Variants in IFT46 observed in about 807,000 individuals in gnomAD.
The protein encoded by IFT46 is intraflagellar transport protein 46 homolog.
IFT46 carries 19 observed loss-of-function variants against 39.6 expected under a neutral mutation model. The observed-to-expected ratio is 0.48, with a 90% confidence interval of 0.33 to 0.70. The LOEUF is 0.70. IFT46 is among the 30% of genes least tolerant of loss of function. The pLI, the probability that IFT46 is intolerant of heterozygous loss-of-function variation, is 0.01. For synonymous variants in IFT46, 117 were observed against 134.8 expected (o/e 0.87, Z 0.91); for missense variants, 334 against 364.8 (o/e 0.92, Z 0.69).
chr11:118,569,123 C>G (rs1938287021), upstream of IFT46, among the ~76,000 whole-genome samples: 1 of 149,826 alleles, frequency 6.7e-6, no homozygotes, highest in South Asian at 2.1e-4. Context: ...ACTAAAAATA[C>G]AAAAAACTAG....
At chr11:118,555,223 T>C (rs908669819) in intron 5 of IFT46, 25 bp downstream of exon 5, 2 of 1,593,734 alleles carry the variant, frequency 1.3e-6, no homozygotes, top group African/African-American at 2.7e-5. Flanking sequence ...GATAGTGGGG[T>C]ATGGTGGGAG....
Position 118,554,999 on chromosome 11 carries a change from T to A in IFT46, c.345A>T (p.Ala115=). ...DFIPAVGDID[A]FLKVPRPDGK... is the part of the protein sequence containing the mutation. ...GATGTACTGACTATACCTTTAAGAA[T>A]GCATCAATATCCCCGACAGCTGGGA... The change falls in exon 6 of 12, where the codon GCA becomes GCT. Residue 115 remains alanine (A), a synonymous_variant. Transcript: ENST00000264021. 6.2e-7 allele frequency: 1 copy of A among 1,609,560 alleles called. No individual in the cohort carries two copies. Among genetic ancestry groups the A allele is most frequent in the Non-Finnish European group, 8.5e-7 (1 of 1,175,820 alleles).
At position 118,554,593 on chromosome 11, in the gene IFT46, T is replaced by C. The variant is rs1292931880; in HGVS notation, c.355-6A>G. ...TTTCCATCAGGACGTGGGACCTGGT[T>C]AAGAAAAAGGTAAGAAAGCAGAAAG... On this transcript the variant is annotated splice_polypyrimidine_tract_variant and splice_region_variant and intron_variant, in intron 6 of 11. Transcript: ENST00000264021. 2.5e-6 allele frequency: 4 copies of C among 1,585,626 alleles called. No homozygotes were observed. In the Admixed American group the frequency reaches 7.9e-5, roughly 31 times the overall value.
intron 2 of IFT46, among the ~76,000 whole-genome samples, chr11:118,561,820 A>C (rs1938067111): frequency 6.6e-6 from 1 of 152,192 alleles, no homozygotes; most frequent in Non-Finnish European, 1.5e-5. Context: ...GATAAGAGCA[A>C]TTTTTAAATA....
At chr11:118,560,143 T>C (rs1937990504) in intron 2 of IFT46, 1 of 356,362 alleles carries the variant, frequency 2.8e-6, no homozygotes, top group East Asian at 6.4e-5. Context: ...CCAGGGGCAG[T>C]GGCTCATGCC....
upstream of IFT46, among the ~76,000 whole-genome samples, chr11:118,569,632 A>G (rs1938296150): frequency 6.6e-6 from 1 of 152,102 alleles, no homozygotes; most frequent in South Asian, 2.1e-4. Context: ...CTTTGTTTGA[A>G]TCCTCGCTTA....
At chr11:118,557,753 GCT>G (rs1555069797) in intron 3 of IFT46, 1 of 1,613,856 alleles carries the variant, frequency 6.2e-7, no homozygotes, top group Admixed American at 1.7e-5. Flanking sequence ...TGTGCTTCTG[GCT>G]CTCTCTGTAC....
intron 9 of IFT46, among the ~76,000 whole-genome samples, chr11:118,549,411 T>A (rs1951767609): frequency 1.3e-5 from 2 of 152,026 alleles, no homozygotes; most frequent in Non-Finnish European, 2.9e-5. Flanking sequence ...TACATACATA[T>A]ATAAAATATT....
rs1199456396 is a variant in IFT46, at chr11:118,572,707, C to T, written c.-244G>A. ...GGGGAGCAGTGTGGCCTCCTGTGCC[C>T]GGTCTCCTGGAGATCCGATGGAGCT... On this transcript the variant is annotated 5_prime_UTR_variant, in exon 1 of 6. Transcript: ENST00000528378. 9 of 842,166 alleles carry T rather than the reference C, an allele frequency of 1.1e-5. No homozygotes were observed. The South Asian group carries it at 1.1e-4, about 10-fold the overall frequency. 52.2% of individuals were successfully genotyped at this position (842,166 alleles called of 1,614,324 possible). A position where few individuals can be genotyped will look rare whatever the true frequency, so the allele number is the denominator to read the frequency against.
chr11:118,559,039 T>C (rs1937940525), intron 3 of IFT46, among the ~76,000 whole-genome samples: 1 of 151,396 alleles, frequency 6.6e-6, no homozygotes, highest in African/African-American at 2.4e-5. Flanking sequence ...GCTAATTTTT[T>C]GTATTTTTAT....
At chr11:118,568,484 G>A (rs1307882518), upstream of IFT46, among the ~76,000 whole-genome samples, 1 of 151,984 alleles carries the variant, frequency 6.6e-6, no homozygotes, top group African/African-American at 2.4e-5. Context: ...CCCGGGAGGC[G>A]GAGGTTGCAG....
Position 118,552,341 on chromosome 11 carries a change from A to G in IFT46, c.484-6T>C. Reference sequence around the variant, plus strand: ...CTTTTTACTTTCATATGTTGCTAGGAAAGTAAGGAGAAAGCCTAGCTGATG... The same window carrying G: ...CTTTTTACTTTCATATGTTGCTAGGGAAGTAAGGAGAAAGCCTAGCTGATG... On this transcript the variant is annotated splice_polypyrimidine_tract_variant and splice_region_variant and intron_variant, in intron 7 of 11. Transcript: ENST00000264021. 1.2e-6 allele frequency: 2 copies of G among 1,613,926 alleles called. No homozygotes were observed. The highest frequency in any genetic ancestry group is 1.7e-4 in the Middle Eastern group (1 of 6,036).
intron 3 of IFT46, among the ~76,000 whole-genome samples, chr11:118,558,208 C>CTGAT (rs1240163307): frequency 6.6e-6 from 1 of 152,190 alleles, no homozygotes; most frequent in Non-Finnish European, 1.5e-5. Flanking sequence ...TAGTATATGA[C>CTGAT]TGATAAGAAC....
chr11:118,576,654 T>TA (rs1938520557), upstream of IFT46, among the ~76,000 whole-genome samples: 1 of 152,138 alleles, frequency 6.6e-6, no homozygotes, highest in Non-Finnish European at 1.5e-5. Flanking sequence ...TTTATCATGT[T>TA]TAGAGGTGAC....
At chr11:118,574,998 G>A (rs1031223255), upstream of IFT46, among the ~76,000 whole-genome samples, 27 of 151,818 alleles carry the variant, frequency 1.8e-4, no homozygotes, top group Admixed American at 4.6e-4. Flanking sequence ...TTTGGTTTTC[G>A]AGACGGATTC....
intron 2 of IFT46, chr11:118,560,843 A>T (rs1203591517): frequency 1.3e-6 from 1 of 757,106 alleles, no homozygotes; most frequent in African/African-American, 1.7e-5. Flanking sequence ...ATATAAGATG[A>T]TAGTTCGTGT....
chr11:118,547,033 G>T (rs1951703613), intron 9 of IFT46: 1 of 152,146 alleles, frequency 6.6e-6, no homozygotes, highest in East Asian at 1.9e-4. Context: ...TCATATTAGA[G>T]CAAAATAAGG....
chr11:118,548,054 T>A (rs1951735916), intron 9 of IFT46, among the ~76,000 whole-genome samples: 1 of 149,690 alleles, frequency 6.7e-6, no homozygotes, highest in Non-Finnish European at 1.5e-5. Flanking sequence ...CCTTTTTTTT[T>A]TTTTTTTTTA....
chr11:118,572,722 C>T, exon 1 of IFT46: 1 of 677,006 alleles, frequency 1.5e-6, no homozygotes, highest in Non-Finnish European at 2.4e-6. Context: ...TCCTGGAGAT[C>T]CGATGGAGCT....
Sources: gnomAD v4.1 joint callset for allele counts (sites outside exome capture counted in the v4.1 genomes callset) on GRCh38, gnomAD v4.1.1 for gene constraint, MANE v1.5 for transcripts, NCBI Gene and HGNC (gene_info 2026-07-23, HGNC 2026-07-21) for gene names.